The following FOXP1 variants were observed in gnomAD, a reference collection of about 807,000 sequenced individuals.
FOXP1 encodes the protein forkhead box protein P1.
Under a neutral mutation model 98.2 loss-of-function variants are expected in FOXP1, and 15 were observed. The ratio of observed to expected loss-of-function variants is 0.15; its 90% CI spans 0.10 to 0.24. FOXP1 has a LOEUF of 0.24. Among genes scored for constraint, FOXP1 ranks in the 10% least tolerant of loss-of-function variants. The pLI, the probability that FOXP1 is intolerant of heterozygous loss-of-function variation, is 1.00. For missense variants in FOXP1, 633 were observed against 848.5 expected, an observed-to-expected ratio of 0.75 and a Z score of 3.15; for synonymous variants, 371 against 314.5, an observed-to-expected ratio of 1.18 and a Z score of -1.90.
chr3:71,443,787 G>A (rs2108466745), intron 3 of FOXP1, among the ~76,000 whole-genome samples: 1 of 152,284 alleles, frequency 6.6e-6, no homozygotes, highest in East Asian at 1.9e-4. Flanking sequence ...AATAAAGAAT[G>A]GAGGCTATTT....
At chr3:71,394,183 G>A (rs1418547482) in intron 3 of FOXP1, among the ~76,000 whole-genome samples, 1 of 152,146 alleles carries the variant, frequency 6.6e-6, no homozygotes, top group East Asian at 1.9e-4. Flanking sequence ...CAACTCCAAG[G>A]CAATCAGCAG....
chr3:71,447,773 A>C (rs2086587775), intron 3 of FOXP1, among the ~76,000 whole-genome samples: 1 of 152,140 alleles, frequency 6.6e-6, no homozygotes, highest in African/African-American at 2.4e-5. Flanking sequence ...TACTCACCAG[A>C]ATGGGGCAGG....
chr3:71,438,313 T>G (rs931311808), intron 3 of FOXP1, among the ~76,000 whole-genome samples: 12 of 152,216 alleles, frequency 7.9e-5, no homozygotes, highest in Admixed American at 3.9e-4. Context: ...TAATATGAGC[T>G]ACATCGGCCG....
At chr3:71,558,100 T>A (rs537805023) in intron 2 of FOXP1, among the ~76,000 whole-genome samples, 2 of 152,236 alleles carry the variant, frequency 1.3e-5, no homozygotes, top group African/African-American at 4.8e-5. Flanking sequence ...CCAGCAAACC[T>A]GTATTTCTTT....
chr3:71,314,530 A>AAT (rs59655430), intron 4 of FOXP1, among the ~76,000 whole-genome samples: 30,519 of 143,186 alleles, frequency 0.21, 3,275 homozygotes, highest in Non-Finnish European at 0.25. Flanking sequence ...CCGTCTAAAA[A>AAT]ATATATATAT....
At chr3:71,040,247 T>G (rs1415550132) in intron 11 of FOXP1, 1 of 152,186 alleles carries the variant, frequency 6.6e-6, no homozygotes, top group African/African-American at 2.4e-5. Context: ...AAATTACATT[T>G]GTAATTGCAT....
chr3:71,277,052 G>A lies in FOXP1; in HGVS notation c.-12+22768C>T, dbSNP rs1247394539. ...CGGCTCACTGCAAGCTTCCCCTCCC[G>A]GATTCACGCCATTCTCCTGCCTCAG... On this transcript the variant is annotated intron_variant, in intron 5 of 20. Coordinates refer to ENST00000649528, the MANE Select transcript of FOXP1 (RefSeq NM_001349338.3). 2.7e-5 allele frequency among the ~76,000 whole-genome samples: 4 copies of A among 149,914 alleles called. No homozygotes were observed. The East Asian group carries it at 6.0e-4, about 23-fold the overall frequency.
At chr3:71,540,394 G>T (rs1010056824) in intron 2 of FOXP1, among the ~76,000 whole-genome samples, 2 of 152,222 alleles carry the variant, frequency 1.3e-5, no homozygotes, top group African/African-American at 4.8e-5. Flanking sequence ...GTGAAGGGGG[G>T]ACAAGAAGGG....
intron 3 of FOXP1, among the ~76,000 whole-genome samples, chr3:71,437,272 T>C (rs1403099033): frequency 6.6e-6 from 1 of 152,062 alleles, no homozygotes; most frequent in African/African-American, 2.4e-5. Flanking sequence ...CCAGGCTTGG[T>C]GGTGCACAAC....
chr3:71,245,775 C>T (rs979869160), intron 5 of FOXP1, among the ~76,000 whole-genome samples: 3 of 151,868 alleles, frequency 2.0e-5, no homozygotes, highest in Non-Finnish European at 2.9e-5. Context: ...CATGATAAAG[C>T]TCTTTCCCAC....
chr3:71,300,286 T>C (rs1029011704), intron 4 of FOXP1, among the ~76,000 whole-genome samples: 1 of 152,218 alleles, frequency 6.6e-6, no homozygotes, highest in Non-Finnish European at 1.5e-5. Flanking sequence ...GACTTATTTT[T>C]TTCCCCTTTT....
chr3:71,326,685 A>T (rs2075712366), intron 4 of FOXP1, among the ~76,000 whole-genome samples: 1 of 152,236 alleles, frequency 6.6e-6, no homozygotes, highest in African/African-American at 2.4e-5. Context: ...CAGCTTTCTC[A>T]TCATGCTTAC....
At chr3:71,368,104 A>T (rs1415714156) in intron 3 of FOXP1, among the ~76,000 whole-genome samples, 1 of 152,038 alleles carries the variant, frequency 6.6e-6, no homozygotes, top group Non-Finnish European at 1.5e-5. Context: ...GTTGGGATTT[A>T]TTTATTTAAT....
At chr3:71,004,719 A>C (rs2042553744) in intron 12 of FOXP1, among the ~76,000 whole-genome samples, 1 of 152,198 alleles carries the variant, frequency 6.6e-6, no homozygotes. Flanking sequence ...GAAACAAGGT[A>C]AAGGTAGATT....
intron 3 of FOXP1, among the ~76,000 whole-genome samples, chr3:71,366,387 G>A (rs1323234636): frequency 6.6e-6 from 1 of 152,100 alleles, no homozygotes; most frequent in Non-Finnish European, 1.5e-5. Context: ...TAAAAATGGG[G>A]AAATGTGTGC....
chr3:71,072,408 C>T (rs1224187604), intron 7 of FOXP1, among the ~76,000 whole-genome samples: 7 of 152,256 alleles, frequency 4.6e-5, no homozygotes, highest in South Asian at 4.1e-4. Flanking sequence ...TCAATAATCT[C>T]GAACACTGTC....
At chr3:71,352,632 T>A (rs1353225422) in intron 4 of FOXP1, among the ~76,000 whole-genome samples, 1 of 152,144 alleles carries the variant, frequency 6.6e-6, no homozygotes, top group Admixed American at 6.5e-5. Flanking sequence ...GAATGATGAT[T>A]ACTTCACAGA....
chr3:71,375,127 A>G (rs2079620667), intron 3 of FOXP1, among the ~76,000 whole-genome samples: 1 of 152,262 alleles, frequency 6.6e-6, no homozygotes, highest in Admixed American at 6.5e-5. Context: ...AGAGAAAAAA[A>G]TCTGTTACCA....
chr3:71,365,709 G>C (rs951133348), intron 3 of FOXP1, among the ~76,000 whole-genome samples: 8 of 152,206 alleles, frequency 5.3e-5, no homozygotes, highest in African/African-American at 1.9e-4. Context: ...TTCCGGCTGG[G>C]TGCGGTGGCT....
Sources: allele counts gnomAD v4.1 joint callset (sites outside exome capture counted in the v4.1 genomes callset), GRCh38; gene constraint gnomAD v4.1.1; transcripts MANE v1.5; gene names NCBI Gene and HGNC (gene_info 2026-07-23, HGNC 2026-07-21).